Variants in MBOAT1 observed in about 807,000 individuals in gnomAD.
MBOAT1 encodes the protein membrane-bound glycerophospholipid O-acyltransferase 1.
Under a neutral mutation model 64.4 loss-of-function variants are expected in MBOAT1, and 67 were observed. The ratio of observed to expected loss-of-function variants is 1.04; its 90% confidence interval spans 0.85 to 1.27. The LOEUF (loss-of-function observed/expected upper bound fraction) is 1.27, where lower values mean the gene tolerates loss of function less well. MBOAT1 is among the 50% of genes most tolerant of loss of function. MBOAT1 has a pLI of 0.00. For synonymous variants in MBOAT1, 229 were observed against 218.9 expected (o/e 1.05, Z -0.41); for missense variants, 563 against 604.6 (o/e 0.93, Z 0.72).
chr6:20,189,463 C>T lies in MBOAT1; in HGVS notation c.99+22673G>A, dbSNP rs549778166. Among the ~76,000 whole-genome samples, 157 of 152,084 alleles carry T rather than the reference C, an allele frequency of 1.0e-3. 1 individual carries two copies. The Middle Eastern group carries it at 0.014, about 13-fold the overall frequency. Reference sequence around the variant, plus strand: ...GGAGTGCAGTGGTTATTCACAGGTGCGATCATAGCACACTACAGCCTTGAA... The same window carrying T: ...GGAGTGCAGTGGTTATTCACAGGTGTGATCATAGCACACTACAGCCTTGAA... On this transcript the variant is annotated intron_variant, in intron 1 of 12. Coordinates refer to ENST00000324607, the MANE Select transcript of MBOAT1 (RefSeq NM_001080480.3).
intron 1 of MBOAT1, among the ~76,000 whole-genome samples, chr6:20,209,263 T>A (rs1167740787): frequency 1.3e-5 from 2 of 152,248 alleles, no homozygotes; most frequent in Non-Finnish European, 2.9e-5. Flanking sequence ...TGAATTATTA[T>A]GCGCTATTTG....
At position 20,100,110 on chromosome 6, in the gene MBOAT1, T is replaced by C. The variant is rs796218454; in HGVS notation, c.*2176A>G. ...CAGGACTGAGGGCTTGAGAGAGTCC[T>C]TGGCAAACCAGGGCAGCTGGTCACC... On this transcript the variant is annotated 3_prime_UTR_variant, in exon 13 of 13. Coordinates refer to ENST00000324607, the MANE Select transcript of MBOAT1 (RefSeq NM_001080480.3). Among the ~76,000 whole-genome samples the C allele has an allele frequency of 5.3e-5, 8 of 152,310 alleles. No individual in the cohort carries two copies. Among genetic ancestry groups the C allele is most frequent in the African/African-American group, 1.9e-4 (8 of 41,582 alleles).
At position 20,208,436 on chromosome 6, in the gene MBOAT1, ACT is replaced by A. The variant is rs533376704; in HGVS notation, c.99+3698_99+3699del. Among the ~76,000 whole-genome samples the A allele has an allele frequency of 3.0e-3, 445 of 149,174 alleles. 2 individuals are homozygous for A. Among genetic ancestry groups the A allele is most frequent in the African/African-American group, 0.011 (422 of 39,862 alleles). Reference sequence around the variant, plus strand: ...ACTCCAGCCTGGGTGACAGAGCTAGACTCTGTCTCAAAAAAAAAAAGAAACTT... The same window carrying A: ...ACTCCAGCCTGGGTGACAGAGCTAGACTGTCTCAAAAAAAAAAAGAAACTT... On this transcript the variant is annotated intron_variant, in intron 1 of 12. Transcript: ENST00000324607.
chr6:20,204,473 C>G (rs746206381), intron 1 of MBOAT1, among the ~76,000 whole-genome samples: 10 of 152,006 alleles, frequency 6.6e-5, no homozygotes, highest in Non-Finnish European at 1.0e-4. Context: ...CAATAAATAT[C>G]TAAGAAGTAA....
intron 1 of MBOAT1, among the ~76,000 whole-genome samples, chr6:20,197,679 A>T (rs1332891509): frequency 6.6e-6 from 1 of 152,206 alleles, no homozygotes; most frequent in African/African-American, 2.4e-5. Flanking sequence ...GAACCAATGT[A>T]CATCTTACAC....
intron 4 of MBOAT1, among the ~76,000 whole-genome samples, chr6:20,134,528 TACTC>T (rs1325831050): frequency 1.8e-4 from 28 of 152,320 alleles, no homozygotes; most frequent in African/African-American, 6.7e-4. Context: ...ACAATTCACA[TACTC>T]ACATATGACA....
chr6:20,114,789 C>T, intron 10 of MBOAT1, among the ~76,000 whole-genome samples: 1 of 150,614 alleles, frequency 6.6e-6, no homozygotes, highest in Non-Finnish European at 1.5e-5. Context: ...GAGGCTGAGG[C>T]AGGAGAATTG....
chr6:20,202,582 A>T (rs993264291), intron 1 of MBOAT1, among the ~76,000 whole-genome samples: 2 of 151,998 alleles, frequency 1.3e-5, no homozygotes, highest in Non-Finnish European at 2.9e-5. Context: ...AATACAAGGA[A>T]GTTGGTAAAT....
At chr6:20,145,308 A>G (rs2113682868) in intron 3 of MBOAT1, among the ~76,000 whole-genome samples, 1 of 152,308 alleles carries the variant, frequency 6.6e-6, no homozygotes, top group Middle Eastern at 3.4e-3. Flanking sequence ...AACATGCTGG[A>G]ACCCTGATTT....
intron 1 of MBOAT1, among the ~76,000 whole-genome samples, chr6:20,157,529 T>G (rs533951527): frequency 1.3e-5 from 2 of 152,158 alleles, no homozygotes; most frequent in East Asian, 3.9e-4. Context: ...TAAAATTACA[T>G]GTAGAATTGC....
At chr6:20,128,890 ATT>A in intron 5 of MBOAT1, 137 bp from the exon 6 acceptor site, 4 of 571,724 alleles carry the variant, frequency 7.0e-6, no homozygotes, top group Non-Finnish European at 1.2e-5. Flanking sequence ...CCTGTTTTTC[ATT>A]TTTTTTTAAT....
Position 20,212,458 on chromosome 6 carries a change from G to A in MBOAT1, c.-224C>T, listed in dbSNP as rs1161378274. On this transcript the variant is annotated 5_prime_UTR_variant, in exon 1 of 13. Transcript: ENST00000324607. ...TGGCGCTGGCGCTGCAGCCACGGGC[G>A]CCGTAGGAGGGCCGGGCCCAAGGCG... 1.8e-6 allele frequency: 1 copy of A among 550,948 alleles called. No homozygotes were observed. The highest frequency in any genetic ancestry group is 3.2e-6 in the Non-Finnish European group (1 of 312,256). 34.1% of individuals were successfully genotyped at this position (550,948 alleles called of 1,614,324 possible). A position where few individuals can be genotyped will look rare whatever the true frequency, so the allele number is the denominator to read the frequency against.
intron 1 of MBOAT1, among the ~76,000 whole-genome samples, chr6:20,185,267 A>G (rs1473246405): frequency 1.3e-5 from 2 of 152,154 alleles, no homozygotes; most frequent in Non-Finnish European, 2.9e-5. Context: ...CAATCAATCA[A>G]TCAATAGCAA....
chr6:20,126,711 A>G lies in MBOAT1; in HGVS notation c.531-11T>C, dbSNP rs199860548. ...AAAGAGGGTTTCACTCTGTGAAAAT[A>G]AAGTAAATAAATTGAAAAGTCTTCA... On this transcript the variant is annotated splice_polypyrimidine_tract_variant and intron_variant, in intron 6 of 12. Coordinates refer to ENST00000324607, the MANE Select transcript of MBOAT1 (RefSeq NM_001080480.3). 8.2e-5 allele frequency: 130 copies of G among 1,581,542 alleles called. No homozygotes were observed. Among genetic ancestry groups the G allele is most frequent in the Non-Finnish European group, 1.0e-4 (118 of 1,162,672 alleles).
At chr6:20,150,338 G>T (rs1761453809) in intron 3 of MBOAT1, among the ~76,000 whole-genome samples, 2 of 151,878 alleles carry the variant, frequency 1.3e-5, no homozygotes, top group Admixed American at 6.6e-5. Context: ...GATTCAAGAG[G>T]GTGGAGACAT....
chr6:20,183,385 T>C (rs1762562682), intron 1 of MBOAT1, among the ~76,000 whole-genome samples: 1 of 152,192 alleles, frequency 6.6e-6, no homozygotes, highest in Non-Finnish European at 1.5e-5. Flanking sequence ...ATGACACACC[T>C]GGGTCCAGCT....
At chr6:20,148,987 G>A (rs529058313) in intron 3 of MBOAT1, among the ~76,000 whole-genome samples, 111 of 151,590 alleles carry the variant, frequency 7.3e-4, no homozygotes, top group South Asian at 4.2e-4. Context: ...TGTAGTCCCA[G>A]CTACTCGGAA....
chr6:20,122,744 G>T (rs2113646480), intron 8 of MBOAT1, among the ~76,000 whole-genome samples: 1 of 152,162 alleles, frequency 6.6e-6, no homozygotes, highest in East Asian at 1.9e-4. Flanking sequence ...TAGTGGCACA[G>T]TATTGTGAAT....
At chr6:20,200,754 C>A (rs1319250880) in intron 1 of MBOAT1, among the ~76,000 whole-genome samples, 2 of 152,074 alleles carry the variant, frequency 1.3e-5, no homozygotes, top group Non-Finnish European at 1.5e-5. Context: ...CCCTCTCCAA[C>A]CCTCTCACTC....
Sources: gnomAD v4.1 joint callset for allele counts (sites outside exome capture counted in the v4.1 genomes callset) on GRCh38, gnomAD v4.1.1 for gene constraint, MANE v1.5 for transcripts, NCBI Gene and HGNC (gene_info 2026-07-23, HGNC 2026-07-21) for gene names.